Variants in SOX6 observed in about 807,000 individuals in gnomAD.
SOX6 encodes the protein transcription factor SOX-6.
Under a neutral mutation model 97.8 loss-of-function variants are expected in SOX6, and 11 were observed. That is an observed-to-expected ratio of 0.11 (90% CI 0.07 to 0.19). The LOEUF (loss-of-function observed/expected upper bound fraction) is 0.19, where lower values mean the gene tolerates loss of function less well. Among genes scored for constraint, SOX6 ranks in the 10% least tolerant of loss-of-function variants. The pLI is 1.00. For synonymous variants in SOX6, 360 were observed against 371.4 expected (o/e 0.97, Z 0.35); for missense variants, 810 against 1,039.5 (o/e 0.78, Z 3.04).
chr11:16,219,399 T>G (rs1852471584), intron 4 of SOX6, among the ~76,000 whole-genome samples: 1 of 152,098 alleles, frequency 6.6e-6, no homozygotes, highest in Non-Finnish European at 1.5e-5. Flanking sequence ...TTATCTTGGT[T>G]AGTGCAATAG....
At chr11:16,561,376 C>G (rs1366013326) in intron 4 of SOX6, among the ~76,000 whole-genome samples, 2 of 152,064 alleles carry the variant, frequency 1.3e-5, no homozygotes, top group African/African-American at 4.8e-5. Flanking sequence ...CACACACCCA[C>G]AAACCCAGAC....
chr11:16,579,510 T>G (rs1402642726), intron 4 of SOX6, among the ~76,000 whole-genome samples: 2 of 152,072 alleles, frequency 1.3e-5, no homozygotes, highest in Non-Finnish European at 2.9e-5. Flanking sequence ...TGCCTGAACT[T>G]AATAAATGAA....
In SOX6 at chr11:16,422,314, T is replaced by C. The variant is rs376357415; in HGVS notation, c.-5+54001A>G. On this transcript the variant is annotated intron_variant, in intron 1 of 15. Transcript: ENST00000396356. ...ATGGATATAAGCTGCTATAATTATA[T>C]TTTATTAACATGCAGAACTATTTTA... Among the ~76,000 whole-genome samples, 3 of 152,334 alleles carry C rather than the reference T, an allele frequency of 2.0e-5. No homozygotes were observed. In the East Asian group the frequency reaches 5.8e-4, roughly 29 times the overall value.
At chr11:16,112,623 C>A (rs1360483181) in intron 6 of SOX6, among the ~76,000 whole-genome samples, 1 of 152,124 alleles carries the variant, frequency 6.6e-6, no homozygotes, top group Non-Finnish European at 1.5e-5. Context: ...CCTACTATAT[C>A]AAATTTCATT....
intron 1 of SOX6, among the ~76,000 whole-genome samples, chr11:16,468,849 C>G (rs1860088752): frequency 6.6e-6 from 1 of 152,122 alleles, no homozygotes; most frequent in South Asian, 2.1e-4. Flanking sequence ...ATGCCTAGCT[C>G]AGGCTGTGTA....
chr11:16,482,897 C>T (rs575732633), intron 4 of SOX6, among the ~76,000 whole-genome samples: 48 of 152,140 alleles, frequency 3.2e-4, no homozygotes, highest in Non-Finnish European at 8.8e-5. Context: ...TTGTTTGTTT[C>T]GTGAGTGGTA....
intron 13 of SOX6, among the ~76,000 whole-genome samples, chr11:15,996,999 C>T (rs947559598): frequency 6.6e-6 from 1 of 151,952 alleles, no homozygotes; most frequent in Non-Finnish European, 1.5e-5. Context: ...GATGGGTCAA[C>T]AGACAAAGAG....
chr11:16,101,143 A>G (rs1247661806), intron 7 of SOX6, among the ~76,000 whole-genome samples: 2 of 151,654 alleles, frequency 1.3e-5, no homozygotes, highest in Non-Finnish European at 3.0e-5. Context: ...TTGAATCACA[A>G]CCACTGATGC....
chr11:16,287,446 C>A (rs1854787782), intron 3 of SOX6, among the ~76,000 whole-genome samples: 1 of 151,912 alleles, frequency 6.6e-6, no homozygotes, highest in Non-Finnish European at 1.5e-5. Flanking sequence ...GCCTGAAATG[C>A]AAGTTAGCTC....
At chr11:16,049,964 A>G in intron 10 of SOX6, 26 bp from the exon 11 acceptor site, 1 of 1,612,102 alleles carries the variant, frequency 6.2e-7, no homozygotes, top group Non-Finnish European at 8.5e-7. Context: ...GTAAATAATT[A>G]TTTTTACAAA....
chr11:15,980,064 T>C (rs940291670), intron 15 of SOX6, among the ~76,000 whole-genome samples: 4 of 152,014 alleles, frequency 2.6e-5, no homozygotes, highest in Non-Finnish European at 5.9e-5. Flanking sequence ...AAAAAACAAA[T>C]GAAAATTCTA....
intron 2 of SOX6, among the ~76,000 whole-genome samples, chr11:16,730,047 TATCCTAA>T: frequency 6.7e-6 from 1 of 149,514 alleles, no homozygotes; most frequent in Non-Finnish European, 1.5e-5. Context: ...TATATATATA[TATCCTAA>T]ATATATATGC....
chr11:16,390,771 G>A (rs977778173), intron 1 of SOX6, among the ~76,000 whole-genome samples: 1 of 149,890 alleles, frequency 6.7e-6, no homozygotes, highest in African/African-American at 2.5e-5. Flanking sequence ...AACCATTGTG[G>A]AAGAAAATGT....
chr11:16,593,472 C>T (rs1049552770), intron 4 of SOX6, among the ~76,000 whole-genome samples: 5 of 151,574 alleles, frequency 3.3e-5, no homozygotes, highest in Non-Finnish European at 7.4e-5. Context: ...GTTATTCCTG[C>T]TTATATAAAC....
At chr11:16,593,613 CAAAGGGCAT>C (rs1848178602) in intron 4 of SOX6, among the ~76,000 whole-genome samples, 1 of 151,798 alleles carries the variant, frequency 6.6e-6, no homozygotes, top group South Asian at 2.1e-4. Flanking sequence ...AAAATGAATG[CAAAGGGCAT>C]AAAGTGATAT....
At chr11:16,731,463 T>G (rs1193261265) in intron 2 of SOX6, among the ~76,000 whole-genome samples, 1 of 152,206 alleles carries the variant, frequency 6.6e-6, no homozygotes, top group Admixed American at 6.5e-5. Flanking sequence ...ATAAATGTAA[T>G]CCATCGCATA....
At chr11:16,704,257 G>A (rs1848115222) in intron 3 of SOX6, among the ~76,000 whole-genome samples, 1 of 152,006 alleles carries the variant, frequency 6.6e-6, no homozygotes, top group Non-Finnish European at 1.5e-5. Context: ...TTTCCCTTCT[G>A]GAAATACATG....
At chr11:16,067,575 G>A (rs1848123526) in intron 9 of SOX6, among the ~76,000 whole-genome samples, 1 of 152,076 alleles carries the variant, frequency 6.6e-6, no homozygotes, top group African/African-American at 2.4e-5. Flanking sequence ...AAATTACCCA[G>A]TCTCTGGTAT....
Position 16,537,235 on chromosome 11 carries a change from C to T in SOX6, n.610-60847G>A, listed in dbSNP as rs550212596. Among the ~76,000 whole-genome samples, 99 of 152,176 alleles carry T rather than the reference C, an allele frequency of 6.5e-4. 1 individual carries two copies. The highest frequency in any genetic ancestry group is 2.2e-3 in the African/African-American group (93 of 41,530). On this transcript the variant is annotated intron_variant and non_coding_transcript_variant, in intron 4 of 5. Transcript: ENST00000524520. ...CTCCAACAGACCTATAGCAAAGGGGCCTGTTAGAAGGAAAAGTAACAAACA... is the reference window on the plus strand; with the variant it reads ...CTCCAACAGACCTATAGCAAAGGGGTCTGTTAGAAGGAAAAGTAACAAACA...
Sources: allele counts gnomAD v4.1 joint callset (sites outside exome capture counted in the v4.1 genomes callset), GRCh38; gene constraint gnomAD v4.1.1; transcripts MANE v1.5; gene names NCBI Gene and HGNC (gene_info 2026-07-23, HGNC 2026-07-21).